The following ZNF211 variants were observed in gnomAD, a reference collection of about 807,000 sequenced individuals.
ZNF211 encodes zinc finger protein 211.
Under a neutral mutation model 12.1 loss-of-function variants are expected in ZNF211, and 18 were observed. That is an observed-to-expected ratio of 1.48 (90% CI 1.03 to 2.20). ZNF211 has a LOEUF of 2.20. Ranked by LOEUF, ZNF211 falls within the 30% of genes most tolerant of loss-of-function variation. ZNF211 has a pLI of 0.00. For synonymous variants in ZNF211, 249 were observed against 246.0 expected (o/e 1.01, Z -0.11); for missense variants, 677 against 703.1 (o/e 0.96, Z 0.42).
intron 3 of ZNF211, 38 bp downstream of exon 3, chr19:57,634,793 GCT>G: frequency 6.7e-7 from 1 of 1,489,590 alleles, no homozygotes; most frequent in South Asian, 1.4e-5. Flanking sequence ...CCTGGACTAG[GCT>G]CTCTGTTTCT....
chr19:57,634,804 C>G, intron 3 of ZNF211, 49 bp downstream of exon 3: 1 of 1,465,400 alleles, frequency 6.8e-7, no homozygotes, highest in South Asian at 1.5e-5. Flanking sequence ...CTCTCTGTTT[C>G]TCCTTTTCCT....
At chr19:57,633,598 G>GGACC in intron 1 of ZNF211, 162 bp downstream of exon 1, 1 of 1,527,448 alleles carries the variant, frequency 6.5e-7, no homozygotes, top group Non-Finnish European at 8.8e-7. Flanking sequence ...ACAAGGGACA[G>GGACC]GACCGGCGCG....
intron 1 of ZNF211, 142 bp from the exon 2 acceptor site, chr19:57,633,881 C>T (rs781144578): frequency 1.2e-6 from 2 of 1,606,262 alleles, no homozygotes; most frequent in Non-Finnish European, 1.7e-6. Flanking sequence ...TGGTGAGAGG[C>T]AGCACTAAGG....
intron 3 of ZNF211, among the ~76,000 whole-genome samples, chr19:57,635,980 T>C (rs762712859): frequency 2.0e-5 from 3 of 152,198 alleles, no homozygotes; most frequent in Admixed American, 6.5e-5. Context: ...ATTACTGATA[T>C]TGAGCATCTA....
Position 57,641,552 on chromosome 19 carries a change from C to T in ZNF211, c.1105C>T (p.Leu369Phe), listed in dbSNP as rs147288855. The T allele has an allele frequency of 2.9e-4, 473 of 1,613,944 alleles. 1 individual carries two copies. In the African/African-American group the frequency reaches 5.7e-3, roughly 19 times the overall value. Residue 369 changes from leucine to phenylalanine, a missense_variant, in exon 4 of 4, where the codon CTC (leucine) becomes TTC (phenylalanine). By Grantham distance (22) the Leu-to-Phe change is conservative. Transcript: ENST00000240731. ...GAAATCTTTTAGCCAAAGGTCCAAC[C>T]TCATGCAGCATCGCAGAGTTCACAC... ...CGKSFSQRSNLMQHRRVHTGE... is the reference protein window; with the variant it reads ...CGKSFSQRSNFMQHRRVHTGE...
intron 3 of ZNF211, among the ~76,000 whole-genome samples, chr19:57,636,621 A>C (rs74960156): frequency 0.12 from 17,960 of 152,224 alleles, 1,157 homozygotes; most frequent in East Asian, 0.25. Context: ...ATAGCCTTGC[A>C]GTAAGTTTTG....
rs1983126834 is a variant in ZNF211, at chr19:57,642,643, A to C, written c.*462A>C. ...CTTGCCAAGAAGGACTGTCTTTTTC[A>C]AGACATACTGGTTTCATGTGACACC... On this transcript the variant is annotated 3_prime_UTR_variant, in exon 4 of 4. Coordinates refer to ENST00000240731, the MANE Select transcript of ZNF211 (RefSeq NM_006385.5). 6.4e-6 allele frequency: 1 copy of C among 156,720 alleles called. No individual in the cohort carries two copies. Among genetic ancestry groups the C allele is most frequent in the Non-Finnish European group, 1.4e-5 (1 of 71,114 alleles). 9.7% of individuals were successfully genotyped at this position (156,720 alleles called of 1,614,324 possible). A position where few individuals can be genotyped will look rare whatever the true frequency, so the allele number is the denominator to read the frequency against.
At chr19:57,635,336 TCAC>T (rs1341512220) in intron 3 of ZNF211, among the ~76,000 whole-genome samples, 1 of 152,238 alleles carries the variant, frequency 6.6e-6, no homozygotes, top group Non-Finnish European at 1.5e-5. Context: ...TGTGCAACCA[TCAC>T]CACCATCCTT....
At position 57,642,247 on chromosome 19, in the gene ZNF211, A is replaced by ACGAGTACACCTGTGAGAGAGT. The variant is rs1286193542; in HGVS notation, c.*67_*68insGAGTACACCTGTGAGAGAGTC. Reference sequence around the variant, plus strand: ...CTGAAGGAGTACACCTGTGAGAGAGACAAGTACCTGATTTGGAAGCCCCAA... The same window carrying ACGAGTACACCTGTGAGAGAGT: ...CTGAAGGAGTACACCTGTGAGAGAGACGAGTACACCTGTGAGAGAGTCAAGTACCTGATTTGGAAGCCCCAA... On this transcript the variant is annotated 3_prime_UTR_variant, in exon 4 of 4. Coordinates refer to ENST00000240731, the MANE Select transcript of ZNF211 (RefSeq NM_006385.5). The ACGAGTACACCTGTGAGAGAGT allele has an allele frequency of 4.4e-5, 66 of 1,491,500 alleles. No individual in the cohort carries two copies. The highest frequency in any genetic ancestry group is 3.8e-4 in the Middle Eastern group (2 of 5,314). 92.4% of individuals were successfully genotyped at this position (1,491,500 alleles called of 1,614,324 possible).
At position 57,641,295 on chromosome 19, in the gene ZNF211, G is replaced by A; in HGVS notation, c.848G>A (p.Cys283Tyr). 1.2e-6 allele frequency: 2 copies of A among 1,614,200 alleles called. No homozygotes were observed. The highest frequency in any genetic ancestry group is 1.7e-6 in the Non-Finnish European group (2 of 1,180,036). Reference sequence around the variant, plus strand: ...TGTGGGAAAGCATGTACGCGAAGATGTAACCTCATTCAGCACCAGAAAGTC... The same window carrying A: ...TGTGGGAAAGCATGTACGCGAAGATATAACCTCATTCAGCACCAGAAAGTC... The part of the protein sequence containing the change: ...SKCGKACTRR[C>Y]NLIQHQKVHS... Residue 283 changes from cysteine (C) to tyrosine (Y), a missense_variant, in exon 4 of 4, where the codon TGT becomes TAT. Transcript: ENST00000240731.
Position 57,641,214 on chromosome 19 carries a change from C to A in ZNF211, c.767C>A (p.Thr256Lys). 1 of 1,614,204 alleles carries A rather than the reference C, an allele frequency of 6.2e-7. No individual in the cohort carries two copies. The highest frequency in any genetic ancestry group is 8.5e-7 in the Non-Finnish European group (1 of 1,180,046). ...KCSKAFSHID[T>K]LVQDQRILTR... ...AGTAAAGCCTTTAGCCACATAGACA[C>A]ACTTGTTCAGGACCAGAGAATCCTC... is the stretch of plus-strand genomic sequence containing the variant. Residue 256 changes from threonine to lysine, a missense_variant, in exon 4 of 4, where the codon ACA becomes AAA. By Grantham distance (78) the Thr-to-Lys change is moderately conservative (BLOSUM62 -1). Coordinates refer to ENST00000240731, the MANE Select transcript of ZNF211 (RefSeq NM_006385.5).
chr19:57,634,781 GC>G, intron 3 of ZNF211, 26 bp downstream of exon 3: 1 of 1,536,668 alleles, frequency 6.5e-7, no homozygotes, highest in Non-Finnish European at 8.8e-7. Flanking sequence ...TCACCCTTGT[GC>G]CCTGGACTAG....
chr19:57,633,576 G>T (rs1400664882), intron 1 of ZNF211, 140 bp downstream of exon 1: 2 of 1,509,678 alleles, frequency 1.3e-6, no homozygotes, highest in African/African-American at 2.8e-5. Flanking sequence ...ATCCGATGTG[G>T]TGGGCAGGGG....
Position 57,642,349 on chromosome 19 carries a change from AGT to A in ZNF211, c.*171_*172del. 2 of 754,158 alleles carry A rather than the reference AGT, an allele frequency of 2.7e-6. No homozygotes were observed. The highest frequency in any genetic ancestry group is 4.1e-6 in the Non-Finnish European group (2 of 486,584). The allele number at this position is 754,158 out of a possible 1,614,324, so 46.7% of individuals were successfully genotyped here. On this transcript the variant is annotated 3_prime_UTR_variant, in exon 4 of 4. Coordinates refer to ENST00000240731, the MANE Select transcript of ZNF211 (RefSeq NM_006385.5). ...ACACTTTCTAACATGCCATTTAGAA[AGT>A]GTTAGACTTTCTCACCTGCCATTTA... is the stretch of plus-strand genomic sequence containing the variant.
At position 57,633,587 on chromosome 19, in the gene ZNF211, GA is replaced by G; in HGVS notation, c.90+152del. Reference sequence around the variant, plus strand: ...TGACATCCGATGTGGTGGGCAGGGGGACAAGGGACAGGACCGGCGCGTGCAG... The same window carrying G: ...TGACATCCGATGTGGTGGGCAGGGGGCAAGGGACAGGACCGGCGCGTGCAG... On this transcript the variant is annotated intron_variant, in intron 1 of 3. Coordinates refer to ENST00000240731, the MANE Select transcript of ZNF211 (RefSeq NM_006385.5). 7.9e-6 allele frequency: 12 copies of G among 1,518,274 alleles called. No homozygotes were observed. The South Asian group carries it at 1.3e-4, about 17-fold the overall frequency. 94.1% of individuals were successfully genotyped at this position (1,518,274 alleles called of 1,614,324 possible). A position where few individuals can be genotyped will look rare whatever the true frequency, so the allele number is the denominator to read the frequency against.
Position 57,643,729 on chromosome 19 carries a change from C to T in ZNF211, c.*1548C>T, listed in dbSNP as rs1028807418. On this transcript the variant is annotated 3_prime_UTR_variant, in exon 4 of 4. Transcript: ENST00000240731. ...AACATATCAGTCACCTCGGATTTAC[C>T]TCAGGCCTTTTTCTAAGCTCTCCCT... is the stretch of plus-strand genomic sequence containing the variant. 5.3e-5 allele frequency among the ~76,000 whole-genome samples: 8 copies of T among 152,110 alleles called. No individual in the cohort carries two copies. The highest frequency in any genetic ancestry group is 1.9e-4 in the African/African-American group (8 of 41,412).
chr19:57,640,682 A>C, intron 3 of ZNF211, 22 bp from the exon 4 acceptor site: 1 of 1,608,956 alleles, frequency 6.2e-7, no homozygotes, highest in South Asian at 1.1e-5. Flanking sequence ...CATGTACTTC[A>C]CCATGATCTC....
In ZNF211 at chr19:57,634,614, T is replaced by G. The variant is rs1298781091; in HGVS notation, c.130-15T>G. On this transcript the variant is annotated splice_polypyrimidine_tract_variant and intron_variant, in intron 2 of 3. Transcript: ENST00000240731. Reference sequence around the variant, plus strand: ...TTGAGACTGTTCATGGTTTCATCAATCCCTATTATGCTAGGGAAGTGTGAC... The same window carrying G: ...TTGAGACTGTTCATGGTTTCATCAAGCCCTATTATGCTAGGGAAGTGTGAC... 6.5e-7 allele frequency: 1 copy of G among 1,546,510 alleles called. No individual in the cohort carries two copies. The highest frequency in any genetic ancestry group is 1.4e-5 in the African/African-American group (1 of 71,914).
Position 57,641,635 on chromosome 19 carries a change from C to A in ZNF211, c.1188C>A (p.Ser396Arg). 1 of 1,613,316 alleles carries A rather than the reference C, an allele frequency of 6.2e-7. No individual in the cohort carries two copies. The highest frequency in any genetic ancestry group is 8.5e-7 in the Non-Finnish European group (1 of 1,179,500). ...ECGKSFSQNF[S>R]LIYHQRVHTG... Reference sequence around the variant, plus strand: ...GGAAATCTTTTAGCCAAAACTTTAGCCTGATCTACCACCAGAGAGTTCACA... The same window carrying A: ...GGAAATCTTTTAGCCAAAACTTTAGACTGATCTACCACCAGAGAGTTCACA... Residue 396 changes from serine to arginine, a missense_variant, in exon 4 of 4, where the codon AGC becomes AGA. Transcript: ENST00000240731.
Sources: allele counts gnomAD v4.1 joint callset (sites outside exome capture counted in the v4.1 genomes callset), GRCh38; gene constraint gnomAD v4.1.1; transcripts MANE v1.5; gene names NCBI Gene and HGNC (gene_info 2026-07-23, HGNC 2026-07-21).